The following SLC9A9 variants were observed in gnomAD, a reference collection of about 807,000 sequenced individuals.
SLC9A9 encodes the protein solute carrier family 9 member A9.
Under a neutral mutation model 77.8 loss-of-function variants are expected in SLC9A9, and 62 were observed. The observed-to-expected ratio is 0.80, with a 90% CI of 0.65 to 0.98. The LOEUF (loss-of-function observed/expected upper bound fraction) is 0.98, where lower values mean the gene tolerates loss of function less well. Among genes scored for constraint, SLC9A9 ranks in the 50% least tolerant of loss-of-function variants. The pLI is 0.00. For synonymous variants in SLC9A9, 320 were observed against 283.5 expected (o/e 1.13, Z -1.29); for missense variants, 775 against 774.9 (o/e 1.00, Z 0.00).
intron 9 of SLC9A9, among the ~76,000 whole-genome samples, chr3:143,519,802 G>C (rs1220249935): frequency 6.6e-6 from 1 of 152,262 alleles, no homozygotes; most frequent in African/African-American, 2.4e-5. Context: ...AAGGACCAAA[G>C]TTGGGATGTA....
At chr3:143,756,991 T>C (rs1173142482) in intron 4 of SLC9A9, among the ~76,000 whole-genome samples, 1 of 152,146 alleles carries the variant, frequency 6.6e-6, no homozygotes, top group Non-Finnish European at 1.5e-5. Context: ...TAAACAAATG[T>C]ATAAAATACA....
intron 5 of SLC9A9, among the ~76,000 whole-genome samples, chr3:143,685,071 A>T (rs975272110): frequency 6.6e-6 from 1 of 152,118 alleles, no homozygotes; most frequent in African/African-American, 2.4e-5. Context: ...AGTGCTGTCC[A>T]ATAAAAATTT....
chr3:143,386,986 G>A (rs1038254813), intron 12 of SLC9A9, among the ~76,000 whole-genome samples: 26 of 152,252 alleles, frequency 1.7e-4, no homozygotes, highest in East Asian at 9.7e-4. Flanking sequence ...GATTATAGGC[G>A]TACGCCACCA....
chr3:143,764,421 C>A (rs2007235970), intron 4 of SLC9A9, among the ~76,000 whole-genome samples: 1 of 152,178 alleles, frequency 6.6e-6, no homozygotes, highest in African/African-American at 2.4e-5. Context: ...AACTTATATT[C>A]CCACAAGCAG....
intron 10 of SLC9A9, among the ~76,000 whole-genome samples, chr3:143,494,897 C>A (rs1313808984): frequency 1.3e-5 from 2 of 152,122 alleles, no homozygotes; most frequent in African/African-American, 4.8e-5. Context: ...TTTTTGAAGT[C>A]CGTATTGGAA....
chr3:143,511,263 G>A lies in SLC9A9; in HGVS notation c.1090-15815C>T, dbSNP rs1330301841. Among the ~76,000 whole-genome samples the A allele has an allele frequency of 2.0e-5, 3 of 152,120 alleles. No homozygotes were observed. The South Asian group carries it at 6.2e-4, about 32-fold the overall frequency. ...AACCTCTCTTCCTACTTCTGTTTCT[G>A]GCTACTGTCCAAGCTATGGCCATCC... On this transcript the variant is annotated intron_variant, in intron 9 of 15. Coordinates refer to ENST00000316549, the MANE Select transcript of SLC9A9 (RefSeq NM_173653.4).
chr3:143,593,375 G>GTACTGT (rs1338918421), intron 6 of SLC9A9, among the ~76,000 whole-genome samples: 1 of 152,174 alleles, frequency 6.6e-6, no homozygotes, highest in Non-Finnish European at 1.5e-5. Context: ...CAGCTAGTGG[G>GTACTGT]TACTGTTGTA....
intron 13 of SLC9A9, chr3:143,381,509 T>A (rs1484057588): frequency 6.3e-6 from 1 of 157,936 alleles, no homozygotes; most frequent in Non-Finnish European, 1.4e-5. Flanking sequence ...TTCATCAGCA[T>A]TATGAAAATG....
At chr3:143,784,517 A>C (rs190024966) in intron 4 of SLC9A9, among the ~76,000 whole-genome samples, 1 of 149,688 alleles carries the variant, frequency 6.7e-6, no homozygotes, top group Non-Finnish European at 1.5e-5. Context: ...TTTCTTAAAA[A>C]TTTGTAATTT....
intron 4 of SLC9A9, among the ~76,000 whole-genome samples, chr3:143,721,114 A>AG (rs1350286571): frequency 6.6e-6 from 1 of 152,144 alleles, no homozygotes; most frequent in Non-Finnish European, 1.5e-5. Context: ...GCTGCTTGGG[A>AG]GGCAGAAGTG....
intron 11 of SLC9A9, among the ~76,000 whole-genome samples, chr3:143,487,060 G>C (rs1226666909): frequency 1.3e-5 from 2 of 151,948 alleles, no homozygotes; most frequent in Admixed American, 1.3e-4. Flanking sequence ...GACACAAACA[G>C]ATGAGAGTAA....
At chr3:143,776,338 A>T (rs954543508) in intron 4 of SLC9A9, among the ~76,000 whole-genome samples, 1 of 152,188 alleles carries the variant, frequency 6.6e-6, no homozygotes, top group African/African-American at 2.4e-5. Flanking sequence ...TCATCTATTC[A>T]AATCAAATCT....
At chr3:143,564,112 A>G (rs1246811341) in intron 8 of SLC9A9, among the ~76,000 whole-genome samples, 1 of 152,208 alleles carries the variant, frequency 6.6e-6, no homozygotes, top group Non-Finnish European at 1.5e-5. Context: ...GATTAATCCT[A>G]ATTCTCACTT....
At chr3:143,297,080 C>A (rs1393516876) in intron 14 of SLC9A9, among the ~76,000 whole-genome samples, 3 of 152,156 alleles carry the variant, frequency 2.0e-5, no homozygotes, top group Non-Finnish European at 4.4e-5. Flanking sequence ...GGTGTCATAT[C>A]CAAGAAATCA....
At chr3:143,653,550 G>A (rs1363486699) in intron 5 of SLC9A9, among the ~76,000 whole-genome samples, 1 of 152,132 alleles carries the variant, frequency 6.6e-6, no homozygotes, top group African/African-American at 2.4e-5. Context: ...ATAAAAGCAA[G>A]ACAGACAAGT....
intron 14 of SLC9A9, among the ~76,000 whole-genome samples, chr3:143,340,594 CT>C (rs1410937062): frequency 2.6e-5 from 4 of 152,144 alleles, no homozygotes; most frequent in Non-Finnish European, 4.4e-5. Context: ...CAGTTCAGAT[CT>C]TTCCTGGGGC....
chr3:143,381,023 A>T (rs1016792381), intron 13 of SLC9A9, among the ~76,000 whole-genome samples: 2 of 152,234 alleles, frequency 1.3e-5, no homozygotes, highest in Admixed American at 1.3e-4. Flanking sequence ...TAATTTCAGC[A>T]AAAAGGTGTA....
intron 2 of SLC9A9, among the ~76,000 whole-genome samples, chr3:143,831,172 A>G (rs1182721049): frequency 6.6e-6 from 1 of 152,180 alleles, no homozygotes; most frequent in Non-Finnish European, 1.5e-5. Flanking sequence ...AAAGTGAAAC[A>G]ATGGACTTCC....
At chr3:143,659,607 C>A (rs1295580252) in intron 5 of SLC9A9, among the ~76,000 whole-genome samples, 1 of 152,028 alleles carries the variant, frequency 6.6e-6, no homozygotes, top group South Asian at 2.1e-4. Context: ...CAACACTGGG[C>A]CTGTGTGAGA....
Sources: allele counts gnomAD v4.1 joint callset (sites outside exome capture counted in the v4.1 genomes callset), GRCh38; gene constraint gnomAD v4.1.1; transcripts MANE v1.5; gene names NCBI Gene and HGNC (gene_info 2026-07-23, HGNC 2026-07-21).